SMC5: variants seen among roughly 807,000 people sequenced by gnomAD.
The protein encoded by SMC5 is structural maintenance of chromosomes 5.
In SMC5, 88 loss-of-function variants were observed where a neutral mutation model predicts 148.3. The observed-to-expected ratio is 0.59, with a 90% CI of 0.50 to 0.71. The LOEUF (loss-of-function observed/expected upper bound fraction) is 0.71. SMC5 is among the 30% of genes least tolerant of loss of function. The pLI, the probability that SMC5 is intolerant of heterozygous loss-of-function variation, is 0.00. For missense variants in SMC5, 1,142 were observed against 1,298.9 expected, an observed-to-expected ratio of 0.88 and a Z score of 1.86; for synonymous variants, 421 against 432.8, an observed-to-expected ratio of 0.97 and a Z score of 0.34.
At chr9:70,312,270 A>G (rs2035678571) in intron 11 of SMC5, 1 of 152,438 alleles carries the variant, frequency 6.6e-6, no homozygotes, top group Non-Finnish European at 1.5e-5. Flanking sequence ...AGTAAGGCAC[A>G]TCTTACATGG....
chr9:70,303,247 A>G (rs74913274), intron 10 of SMC5, among the ~76,000 whole-genome samples: 1 of 151,804 alleles, frequency 6.6e-6, no homozygotes, highest in Non-Finnish European at 1.5e-5. Flanking sequence ...AAAAAAAAAA[A>G]CAATACAGTC....
intron 6 of SMC5, among the ~76,000 whole-genome samples, chr9:70,281,512 G>A (rs75210449): frequency 0.017 from 2,517 of 152,168 alleles, 42 homozygotes; most frequent in South Asian, 0.07. Flanking sequence ...TCCTCAGTCA[G>A]GTCACTGAGA....
At position 70,267,935 on chromosome 9, in the gene SMC5, G is replaced by A. The variant is rs1458362269; in HGVS notation, c.340G>A (p.Val114Met). 1.9e-6 allele frequency: 3 copies of A among 1,612,996 alleles called. No individual in the cohort carries two copies. The highest frequency in any genetic ancestry group is 1.7e-5 in the Admixed American group (1 of 59,904). Residue 114 changes from valine (V) to methionine (M), a missense_variant, in exon 3 of 25, where the codon GTG becomes ATG. Val to Met is a conservative substitution (Grantham distance 21). Transcript: ENST00000361138. ...MGRADKVGFF[V>M]KRGCSRGMVE... Reference sequence around the variant, plus strand: ...TTTTATGTCTTAGGTTGGGTTTTTTGTGAAGAGAGGATGTTCTAGAGGCAT... The same window carrying A: ...TTTTATGTCTTAGGTTGGGTTTTTTATGAAGAGAGGATGTTCTAGAGGCAT...
intron 7 of SMC5, among the ~76,000 whole-genome samples, chr9:70,285,425 T>C (rs898139673): frequency 6.6e-6 from 1 of 152,228 alleles, no homozygotes; most frequent in Non-Finnish European, 1.5e-5. Context: ...CCAAGGTTTT[T>C]ATGGGCGTTA....
chr9:70,332,545 GAATT>G (rs2036246207), intron 17 of SMC5, among the ~76,000 whole-genome samples: 4 of 116,770 alleles, frequency 3.4e-5, no homozygotes, highest in Non-Finnish European at 5.5e-5. Context: ...AAAAAAAAAA[GAATT>G]AATACCAGTT....
At chr9:70,348,824 G>T (rs908573767) in intron 22 of SMC5, among the ~76,000 whole-genome samples, 5 of 152,160 alleles carry the variant, frequency 3.3e-5, no homozygotes, top group African/African-American at 1.2e-4. Flanking sequence ...CAAAGGCCAG[G>T]TGCTGTGGCT....
At chr9:70,319,857 T>G (rs957486262) in intron 15 of SMC5, among the ~76,000 whole-genome samples, 2 of 152,220 alleles carry the variant, frequency 1.3e-5, no homozygotes, top group African/African-American at 4.8e-5. Context: ...AAGATCACAT[T>G]GATCACTGAT....
intron 17 of SMC5, among the ~76,000 whole-genome samples, chr9:70,328,662 G>C (rs1209479357): frequency 2.0e-5 from 3 of 152,194 alleles, no homozygotes; most frequent in Non-Finnish European, 4.4e-5. Context: ...GGTGCAAGCT[G>C]TCAGTGGATC....
intron 18 of SMC5, chr9:70,344,635 G>A (rs2036618857): frequency 6.6e-6 from 1 of 151,992 alleles, no homozygotes; most frequent in Admixed American, 6.6e-5. Context: ...TTTAATTAGG[G>A]TTCAATGAGA....
chr9:70,315,455 AT>A lies in SMC5; in HGVS notation c.1688del (p.Phe563SerfsTer4). ...ATACTTTTCCTTTCAGACAATACGG[AT>A]TTTTCTCTTATTTGAGAGAATTATT... ...RSLNELKQYG[F>X]FSYLRELFDA... On this transcript the variant is annotated frameshift_variant, in exon 13 of 25. Transcript: ENST00000361138. LOFTEE classifies it high-confidence loss of function. 1 of 1,585,556 alleles carries A rather than the reference AT, an allele frequency of 6.3e-7. No individual in the cohort carries two copies. The highest frequency in any genetic ancestry group is 1.2e-5 in the South Asian group (1 of 86,128).
At chr9:70,341,952 CG>C (rs1564070874) in intron 17 of SMC5, among the ~76,000 whole-genome samples, 1 of 148,550 alleles carries the variant, frequency 6.7e-6, no homozygotes, top group Non-Finnish European at 1.5e-5. Flanking sequence ...ATATTTATTG[CG>C]GCACTATTCA....
intron 3 of SMC5, among the ~76,000 whole-genome samples, chr9:70,274,993 T>C (rs1228453534): frequency 6.6e-6 from 1 of 152,124 alleles, no homozygotes; most frequent in Admixed American, 6.5e-5. Flanking sequence ...TTGCTTTTCA[T>C]TCCTTCTTCT....
In SMC5 at chr9:70,323,524, A is replaced by T; in HGVS notation, c.2192A>T (p.Glu731Val). 1 of 1,612,202 alleles carries T rather than the reference A, an allele frequency of 6.2e-7. No homozygotes were observed. Among genetic ancestry groups the T allele is most frequent in the South Asian group, 1.1e-5 (1 of 90,854 alleles). The change falls in exon 16 of 25, where the codon GAA becomes GTA. Residue 731 changes from glutamate to valine, a missense_variant. This residue lies in a region of SMC5 where 743 missense variants were observed against 835.7 expected (regional missense o/e 0.89). Coordinates refer to ENST00000361138, the MANE Select transcript of SMC5 (RefSeq NM_015110.4). Reference protein sequence around the residue: ...MEQDTCNLEEEERKASTKIKE... With the variant: ...MEQDTCNLEEVERKASTKIKE... ...CAGGATACTTGCAATCTTGAAGAGG[A>T]AGAGCGAAAAGCAAGTACCAAAATC... is the stretch of plus-strand genomic sequence containing the variant.
At chr9:70,315,305 A>T (rs2035766086) in intron 12 of SMC5, 141 bp from the exon 13 acceptor site, 2 of 383,666 alleles carry the variant, frequency 5.2e-6, no homozygotes, top group African/African-American at 3.9e-5. Context: ...TGATTTTAAA[A>T]TATAAAAGAA....
At chr9:70,288,390 TTATCA>T (rs2034966572) in intron 8 of SMC5, among the ~76,000 whole-genome samples, 1 of 152,132 alleles carries the variant, frequency 6.6e-6, no homozygotes, top group Non-Finnish European at 1.5e-5. Context: ...TTTTTCCCCC[TTATCA>T]TATTTGCCAG....
intron 8 of SMC5, among the ~76,000 whole-genome samples, chr9:70,297,077 T>C (rs545340620): frequency 6.6e-6 from 1 of 152,328 alleles, no homozygotes; most frequent in East Asian, 1.9e-4. Flanking sequence ...CAGAAGTGTT[T>C]GGATTTCAGA....
rs775321158 is a variant in SMC5 at position 70,300,194 on chromosome 9, G to A, written c.1458G>A (p.Met486Ile). ...KFKQRVCEPI[M>I]LTINMKDNKN... ...AACAAAGAGTCTGTGAGCCCATAAT[G>A]CTCACGGTAAGAAACTTTGTTCATC... Residue 486 changes from methionine to isoleucine, a missense_variant, in exon 10 of 25, where the codon ATG (methionine) becomes ATA (isoleucine). By Grantham distance (10) the Met-to-Ile change is conservative. Around this residue, in one of 5 missense-constraint regions of SMC5, gnomAD observed 743 missense variants for 835.7 expected, o/e 0.89. Coordinates refer to ENST00000361138, the MANE Select transcript of SMC5 (RefSeq NM_015110.4). 6.3e-7 allele frequency: 1 copy of A among 1,585,018 alleles called. No individual in the cohort carries two copies. Among genetic ancestry groups the A allele is most frequent in the East Asian group, 2.3e-5 (1 of 43,828 alleles).
chr9:70,316,385 A>G lies in SMC5; in HGVS notation c.1806+807A>G, dbSNP rs147870046. On this transcript the variant is annotated intron_variant, in intron 13 of 24. Transcript: ENST00000361138. The stretch of plus-strand genomic sequence containing the variant: ...AAGATGATTCATTTGGGGGCTCACT[A>G]TACTTCATTAACAGAAGATAGAAAA... 3.8e-3 allele frequency among the ~76,000 whole-genome samples: 573 copies of G among 152,212 alleles called. 4 individuals are homozygous for G. Among genetic ancestry groups the G allele is most frequent in the African/African-American group, 0.013 (560 of 41,560 alleles).
chr9:70,286,132 G>C (rs1587642498), intron 7 of SMC5, 68 bp from the exon 8 acceptor site: 1 of 912,082 alleles, frequency 1.1e-6, no homozygotes, highest in East Asian at 2.4e-5. Flanking sequence ...GAATGGGCAG[G>C]GCCATATAAT....
Sources: allele counts gnomAD v4.1 joint callset (sites outside exome capture counted in the v4.1 genomes callset), GRCh38; gene constraint gnomAD v4.1.1; regional missense constraint gnomAD v4.1.1; transcripts MANE v1.5; gene names NCBI Gene and HGNC (gene_info 2026-07-23, HGNC 2026-07-21).